The following KNTC1 variants were observed in gnomAD, a reference collection of about 807,000 sequenced individuals.
KNTC1 encodes kinetochore associated 1.
Under a neutral mutation model 314.4 loss-of-function variants are expected in KNTC1, and 253 were observed. That is an observed-to-expected ratio of 0.80 (90% CI 0.73 to 0.89). The LOEUF is 0.89. KNTC1 is among the 40% of genes least tolerant of loss of function. KNTC1 has a pLI of 0.00. For synonymous variants in KNTC1, 901 were observed against 901.4 expected, an observed-to-expected ratio of 1.00 and a Z score of 0.01; for missense variants, 2,475 against 2,572.9, an observed-to-expected ratio of 0.96 and a Z score of 0.82.
intron 16 of KNTC1, among the ~76,000 whole-genome samples, chr12:122,552,144 C>T (rs984574558): frequency 4.6e-5 from 7 of 151,950 alleles, no homozygotes; most frequent in Non-Finnish European, 7.4e-5. Context: ...CTAACCTCCT[C>T]GTGATCTGCC....
chr12:122,618,665 T>C, intron 59 of KNTC1, 120 bp downstream of exon 59: 1 of 695,874 alleles, frequency 1.4e-6, no homozygotes, highest in Non-Finnish European at 2.4e-6. Context: ...TAACACGTGT[T>C]TGTTGTTGTT....
chr12:122,587,920 G>C (rs1460934134), intron 39 of KNTC1, 46 bp downstream of exon 39: 1 of 1,529,122 alleles, frequency 6.5e-7, no homozygotes, highest in African/African-American at 1.4e-5. Context: ...GAATATAGAT[G>C]TAAAAGCGCT....
In KNTC1 at chr12:122,561,911, TCTTA is replaced by T. The variant is rs1203000703; in HGVS notation, c.1489-5_1489-2del. ...TTCTTCTAACTGTATTTCTTATTATTCTTACTTAGCTTTTGAAGAAAGAAGATAA... is the reference window on the plus strand; with the variant it reads ...TTCTTCTAACTGTATTTCTTATTATTCTTAGCTTTTGAAGAAAGAAGATAA... On this transcript the variant is annotated splice_polypyrimidine_tract_variant and splice_region_variant and intron_variant, in intron 18 of 63. Coordinates refer to ENST00000333479, the MANE Select transcript of KNTC1 (RefSeq NM_014708.6). The T allele has an allele frequency of 5.1e-6, 8 of 1,560,654 alleles. No individual in the cohort carries two copies. The highest frequency in any genetic ancestry group is 2.3e-5 in the South Asian group (2 of 87,542).
In KNTC1 at chr12:122,547,522, A is replaced by C; in HGVS notation, c.924A>C (p.Ser308=). ...CTACAGAAGCAGACTCTCCTTCATC[A>C]GTCACGTGGTATGTTATGACTATGG... The part of the protein sequence containing the change: ...LLTTEADSPS[S]VTWQGITNLK... Residue 308 remains serine (S), a synonymous_variant, in exon 11 of 64, where the codon TCA becomes TCC. Coordinates refer to ENST00000333479, the MANE Select transcript of KNTC1 (RefSeq NM_014708.6). 1.3e-6 allele frequency: 2 copies of C among 1,592,914 alleles called. No individual in the cohort carries two copies. The highest frequency in any genetic ancestry group is 8.6e-7 in the Non-Finnish European group (1 of 1,161,606).
At chr12:122,531,380 G>A (rs191499122) in intron 2 of KNTC1, among the ~76,000 whole-genome samples, 8 of 152,030 alleles carry the variant, frequency 5.3e-5, no homozygotes, top group Admixed American at 3.3e-4. Flanking sequence ...AAAAATTTTC[G>A]TATTTTTAGT....
chr12:122,588,993 A>G (rs1457980074), intron 40 of KNTC1, among the ~76,000 whole-genome samples, 177 bp downstream of exon 40: 2 of 152,124 alleles, frequency 1.3e-5, no homozygotes, highest in Non-Finnish European at 2.9e-5. Flanking sequence ...TTGACATGCT[A>G]TAGAGCTTTT....
In KNTC1 at chr12:122,561,965, C is replaced by T; in HGVS notation, c.1533C>T (p.Gly511=). Residue 511 remains glycine (G), a synonymous_variant, in exon 19 of 64, where the codon GGC becomes GGT. Transcript: ENST00000333479. ...AAACTGCTCTCATTTATTCTGATGGCTTGAAAGAGGTAATTACACTAGATT... is the reference window on the plus strand; with the variant it reads ...AAACTGCTCTCATTTATTCTGATGGTTTGAAAGAGGTAATTACACTAGATT... The part of the protein sequence containing the change: ...EDKTALIYSD[G]LKEVLRAHAK... The T allele has an allele frequency of 6.3e-7, 1 of 1,595,922 alleles. No individual in the cohort carries two copies. Among genetic ancestry groups the T allele is most frequent in the African/African-American group, 1.3e-5 (1 of 74,544 alleles).
At position 122,575,642 on chromosome 12, in the gene KNTC1, C is replaced by A; in HGVS notation, c.2482C>A (p.Pro828Thr). ...GAAACAGCACCTGGAAATGGACCAT[C>A]CCAAGTAAGATGACTGTCTACGAAA... ...LVKQHLEMDH[P>T]KVKLLQESYK... Residue 828 changes from proline (P) to threonine (T), a missense_variant, in exon 28 of 64, where the codon CCC becomes ACC. Transcript: ENST00000333479. 1 of 1,584,722 alleles carries A rather than the reference C, an allele frequency of 6.3e-7. No individual in the cohort carries two copies. The highest frequency in any genetic ancestry group is 8.6e-7 in the Non-Finnish European group (1 of 1,163,024).
Position 122,547,428 on chromosome 12 carries a change from T to A in KNTC1, c.830T>A (p.Leu277Ter). ...FVLDTDNVLS[L>*]WDIYTLTPVW... ...TCTCTATTGCAGAACGTGCTGAGTT[T>A]ATGGGATATTTACACTCTAACTCCT... is the stretch of plus-strand genomic sequence containing the variant. Residue 277 changes from leucine (L) to a stop codon, truncating the protein, a stop_gained, in exon 11 of 64, where the codon TTA (leucine) becomes TAA (stop). Coordinates refer to ENST00000333479, the MANE Select transcript of KNTC1 (RefSeq NM_014708.6). LOFTEE classifies it high-confidence loss of function. 6.2e-7 allele frequency: 1 copy of A among 1,607,042 alleles called. No homozygotes were observed. The highest frequency in any genetic ancestry group is 2.2e-5 in the East Asian group (1 of 44,816).
intron 2 of KNTC1, among the ~76,000 whole-genome samples, chr12:122,531,564 A>G (rs962039369): frequency 2.0e-5 from 3 of 152,220 alleles, no homozygotes; most frequent in Non-Finnish European, 1.5e-5. Context: ...GATAATTAGT[A>G]TAAGATAAAC....
intron 48 of KNTC1, among the ~76,000 whole-genome samples, chr12:122,603,492 C>G (rs1172871249): frequency 1.3e-5 from 2 of 151,708 alleles, no homozygotes; most frequent in Non-Finnish European, 2.9e-5. Context: ...AATATCCAAT[C>G]ACACTTTCTT....
rs754646203 is a variant in KNTC1 at position 122,587,864 on chromosome 12, T to C, written c.3884T>C (p.Leu1295Ser). Residue 1295 changes from leucine (L) to serine (S), a missense_variant, in exon 39 of 64, where the codon TTG becomes TCG. Leu to Ser is a moderately radical substitution (Grantham distance 145, BLOSUM62 -2). Transcript: ENST00000333479. ...GTGTCAAACTTCATGAATGCCACTT[T>C]GAGTGAAAAGGTATAGTGTCAAGAA... ...HSVSNFMNATLSEKLFGETTL... is the reference protein window; with the variant it reads ...HSVSNFMNATSSEKLFGETTL... 1.7e-5 allele frequency: 28 copies of C among 1,613,332 alleles called. No homozygotes were observed. The highest frequency in any genetic ancestry group is 2.7e-5 in the African/African-American group (2 of 74,914).
Position 122,604,630 on chromosome 12 carries a change from C to A in KNTC1, c.5168C>A (p.Pro1723Gln). Reference sequence around the variant, plus strand: ...GCTGAGAGATGGCTACAGAATATCCCATCGCAGGTGTGTCTGAACTATCAG... The same window carrying A: ...GCTGAGAGATGGCTACAGAATATCCAATCGCAGGTGTGTCTGAACTATCAG... ...YLAERWLQNIPSQDEKREKAE... is the reference protein window; with the variant it reads ...YLAERWLQNIQSQDEKREKAE... Residue 1723 changes from proline to glutamine, a missense_variant, in exon 49 of 64, where the codon CCA (proline) becomes CAA (glutamine). Transcript: ENST00000333479. 1 of 1,595,306 alleles carries A rather than the reference C, an allele frequency of 6.3e-7. No homozygotes were observed. The highest frequency in any genetic ancestry group is 1.1e-5 in the South Asian group (1 of 90,550).
chr12:122,618,291 A>C, intron 57 of KNTC1, 52 bp from the exon 58 acceptor site: 2 of 1,535,488 alleles, frequency 1.3e-6, no homozygotes, highest in Admixed American at 1.7e-5. Context: ...AATTAAAGAG[A>C]GTTTGTAATA....
chr12:122,570,223 T>A (rs974289153), intron 22 of KNTC1, among the ~76,000 whole-genome samples: 2 of 151,830 alleles, frequency 1.3e-5, no homozygotes, highest in Non-Finnish European at 2.9e-5. Flanking sequence ...AAAAAATATA[T>A]TTAGAAAGAA....
At chr12:122,582,633 C>A (rs1459341532) in intron 33 of KNTC1, 72 bp from the exon 34 acceptor site, 11 of 1,309,340 alleles carry the variant, frequency 8.4e-6, no homozygotes, top group South Asian at 1.6e-5. Context: ...AAAAAAAAAA[C>A]TAATGAAAAT....
chr12:122,554,101 T>G (rs1055750792), intron 16 of KNTC1, among the ~76,000 whole-genome samples: 1 of 108,476 alleles, frequency 9.2e-6, no homozygotes, highest in Non-Finnish European at 2.0e-5. Context: ...ATATATATAT[T>G]TGTATTTTTT....
In KNTC1 at chr12:122,561,903, CTTA is replaced by C. The variant is rs746149851; in HGVS notation, c.1489-12_1489-10del. 7 of 1,543,240 alleles carry C rather than the reference CTTA, an allele frequency of 4.5e-6. No homozygotes were observed. In the East Asian group the frequency reaches 9.0e-5, roughly 20 times the overall value. On this transcript the variant is annotated splice_polypyrimidine_tract_variant and intron_variant, in intron 18 of 63. Transcript: ENST00000333479. Reference sequence around the variant, plus strand: ...AGTAGATATTCTTCTAACTGTATTTCTTATTATTCTTACTTAGCTTTTGAAGAA... The same window carrying C: ...AGTAGATATTCTTCTAACTGTATTTCTTATTCTTACTTAGCTTTTGAAGAA...
intron 26 of KNTC1, 85 bp from the exon 27 acceptor site, chr12:122,574,197 A>G (rs558063774): frequency 4.2e-6 from 3 of 715,006 alleles, no homozygotes; most frequent in African/African-American, 3.6e-5. Context: ...TCAAGGCCAT[A>G]TAATATCTGT....
Sources: gnomAD v4.1 joint callset for allele counts (sites outside exome capture counted in the v4.1 genomes callset) on GRCh38, gnomAD v4.1.1 for gene constraint, MANE v1.5 for transcripts, NCBI Gene and HGNC (gene_info 2026-07-23, HGNC 2026-07-21) for gene names.